NOC2L: variants seen among roughly 807,000 people sequenced by gnomAD.
NOC2L encodes the protein NOC2 like nucleolar associated transcriptional repressor, also known as nucleolar complex protein 2 homolog.
In NOC2L, 101 loss-of-function variants were observed where a neutral mutation model predicts 94.2. The ratio of observed to expected loss-of-function variants is 1.07; its 90% CI spans 0.91 to 1.26. The LOEUF is 1.26. Among genes scored for constraint, NOC2L ranks in the 50% most tolerant of loss-of-function variants. The pLI, the probability that NOC2L is intolerant of heterozygous loss-of-function variation, is 0.00. For synonymous variants in NOC2L, 531 were observed against 413.4 expected (o/e 1.28, Z -3.45); for missense variants, 1,076 against 980.1 (o/e 1.10, Z -1.31).
chr1:948,255 G>T (rs771838530), intron 13 of NOC2L, 23 bp from the exon 14 acceptor site: 1 of 1,539,946 alleles, frequency 6.5e-7, no homozygotes, highest in Non-Finnish European at 8.8e-7. Flanking sequence ...AGAGAGGGCC[G>T]AGTGCATCAG....
At chr1:948,439 C>T in intron 13 of NOC2L, 51 bp downstream of exon 13, 2 of 1,418,702 alleles carry the variant, frequency 1.4e-6, no homozygotes, top group Non-Finnish European at 2.0e-6. Context: ...TCAGCACCCC[C>T]AACCCCACCC....
Position 944,725 on chromosome 1 carries a change from A to C in NOC2L, c.2219T>G (p.Leu740Arg). 2 of 1,600,694 alleles carry C rather than the reference A, an allele frequency of 1.2e-6. No homozygotes were observed. The highest frequency in any genetic ancestry group is 1.7e-6 in the Non-Finnish European group (2 of 1,178,834). The change falls in exon 19 of 19, where the codon CTG becomes CGG. Residue 740 changes from leucine (L) to arginine (R), a missense_variant. Around this residue, in one of 3 missense-constraint regions of NOC2L, gnomAD observed 615 missense variants for 577.4 expected, o/e 1.07. Coordinates refer to ENST00000327044, the MANE Select transcript of NOC2L (RefSeq NM_015658.4). ...GTCCTCTGAGAGCTGCAGATCCTCC[A>C]GCTCGTCCTCCGGCCCCTGGGCCAG... ...QQLAQGPEDE[L>R]EDLQLSEDD
rs1428434056 is a variant in NOC2L, at chr1:956,875, G to A, written c.486+19C>T. ...TTTCTGCCTGGGCACCCAGCTGCCCGCCCCTGGCTGCTGCTCACCTTTGCT... is the reference window on the plus strand; with the variant it reads ...TTTCTGCCTGGGCACCCAGCTGCCCACCCCTGGCTGCTGCTCACCTTTGCT... On this transcript the variant is annotated intron_variant, in intron 4 of 18. Coordinates refer to ENST00000327044, the MANE Select transcript of NOC2L (RefSeq NM_015658.4). 6.8e-6 allele frequency: 11 copies of A among 1,612,558 alleles called. No individual in the cohort carries two copies. Among genetic ancestry groups the A allele is most frequent in the African/African-American group, 2.7e-5 (2 of 75,020 alleles).
At chr1:956,702 A>C (rs1031304374) in intron 4 of NOC2L, among the ~76,000 whole-genome samples, 192 bp downstream of exon 4, 2 of 152,218 alleles carry the variant, frequency 1.3e-5, no homozygotes, top group Admixed American at 6.5e-5. Flanking sequence ...CTTGCGCTGA[A>C]GAAGGCTCCA....
At position 946,400 on chromosome 1, in the gene NOC2L, AC is replaced by A. The variant is rs1401657426; in HGVS notation, c.1803+1del. The A allele has an allele frequency of 6.2e-7, 1 of 1,613,534 alleles. No individual in the cohort carries two copies. Among genetic ancestry groups the A allele is most frequent in the East Asian group, 2.2e-5 (1 of 44,884 alleles). Reference sequence around the variant, plus strand: ...GTGGCACTACCCCCAGGGCCCACTAACCACTGCCTGCTGCTCAGAGACGCCG... The same window carrying A: ...GTGGCACTACCCCCAGGGCCCACTAACACTGCCTGCTGCTCAGAGACGCCG... On this transcript the variant is annotated splice_donor_variant, in intron 15 of 18. Transcript: ENST00000327044. LOFTEE classifies it high-confidence loss of function.
At chr1:945,387 G>C in intron 17 of NOC2L, 131 bp downstream of exon 17, 1 of 1,167,634 alleles carries the variant, frequency 8.6e-7, no homozygotes, top group Non-Finnish European at 1.2e-6. Flanking sequence ...GCAACACTGA[G>C]GTTGGCCCCA....
Position 957,087 on chromosome 1 carries a change from C to T in NOC2L, c.354+12G>A. The T allele has an allele frequency of 6.2e-7, 1 of 1,614,004 alleles. No homozygotes were observed. The highest frequency in any genetic ancestry group is 8.5e-7 in the Non-Finnish European group (1 of 1,179,992). ...ACAAGTGCCCCCCTTCTGGTTTGGC[C>T]CACGCCCTCACCTCCAGCACATCTG... On this transcript the variant is annotated intron_variant, in intron 3 of 18. Transcript: ENST00000327044.
intron 2 of NOC2L, chr1:958,623 C>T (rs1263395691): frequency 1.7e-6 from 1 of 590,120 alleles, no homozygotes; most frequent in Non-Finnish European, 3.2e-6. Context: ...CCTTTCCCTC[C>T]CCAGCACTTA....
At chr1:955,557 G>A (rs879384672) in intron 6 of NOC2L, among the ~76,000 whole-genome samples, 9 of 152,200 alleles carry the variant, frequency 5.9e-5, no homozygotes, top group South Asian at 2.1e-4. Flanking sequence ...CCAGGAAACA[G>A]GCCAGTCATA....
At chr1:953,343 C>T in intron 8 of NOC2L, 55 bp from the exon 9 acceptor site, 3 of 1,070,512 alleles carry the variant, frequency 2.8e-6, no homozygotes, top group Non-Finnish European at 4.3e-6. Flanking sequence ...CAGGGATGCC[C>T]CAGGGCCAGC....
intron 11 of NOC2L, among the ~76,000 whole-genome samples, chr1:951,560 G>C (rs1000993358): frequency 1.3e-5 from 2 of 152,160 alleles, no homozygotes; most frequent in African/African-American, 4.8e-5. Context: ...CAGCCAGACA[G>C]ATGCCCCCTC....
intron 8 of NOC2L, 23 bp from the exon 9 acceptor site, chr1:953,311 G>A (rs776607673): frequency 2.8e-6 from 4 of 1,421,358 alleles, no homozygotes; most frequent in East Asian, 4.6e-5. Flanking sequence ...AGACGTCACT[G>A]GTGGCCCCCC....
chr1:944,252 T>G lies in NOC2L; in HGVS notation c.*442A>C. 1 of 1,455,604 alleles carries G rather than the reference T, an allele frequency of 6.9e-7. No homozygotes were observed. Among genetic ancestry groups the G allele is most frequent in the Non-Finnish European group, 9.0e-7 (1 of 1,105,406 alleles). 90.2% of individuals were successfully genotyped at this position (1,455,604 alleles called of 1,614,324 possible). A position where few individuals can be genotyped will look rare whatever the true frequency, so the allele number is the denominator to read the frequency against. Reference sequence around the variant, plus strand: ...CCGCTTTATTTCTTTCGGTTTCGGATGCAAAACAAAAAATTTTAAAAGAAA... The same window carrying G: ...CCGCTTTATTTCTTTCGGTTTCGGAGGCAAAACAAAAAATTTTAAAAGAAA... On this transcript the variant is annotated 3_prime_UTR_variant, in exon 19 of 19. Coordinates refer to ENST00000327044, the MANE Select transcript of NOC2L (RefSeq NM_015658.4).
chr1:949,954 G>A (rs919146520), intron 12 of NOC2L, among the ~76,000 whole-genome samples: 1 of 152,230 alleles, frequency 6.6e-6, no homozygotes, highest in East Asian at 1.9e-4. Context: ...TAGATAAACA[G>A]GGTGGAGATC....
At chr1:955,880 A>C (rs1355710740) in intron 6 of NOC2L, 43 bp downstream of exon 6, 12 of 1,450,456 alleles carry the variant, frequency 8.3e-6, no homozygotes, top group Non-Finnish European at 1.2e-5. Context: ...TGTGGTCCCG[A>C]CCCACCTTCC....
At position 948,254 on chromosome 1, in the gene NOC2L, C is replaced by T. The variant is rs375794645; in HGVS notation, c.1558-22G>A. Reference sequence around the variant, plus strand: ...CGTCCTGAAGAGCAGGAGAGAGGGCCGAGTGCATCAGGGAGAGGCTGGGGC... The same window carrying T: ...CGTCCTGAAGAGCAGGAGAGAGGGCTGAGTGCATCAGGGAGAGGCTGGGGC... On this transcript the variant is annotated intron_variant, in intron 13 of 18. Transcript: ENST00000327044. The T allele has an allele frequency of 6.5e-6, 10 of 1,546,664 alleles. No individual in the cohort carries two copies. In the East Asian group the frequency reaches 7.1e-5, roughly 11 times the overall value.
At chr1:947,497 C>T (rs1557616381) in intron 14 of NOC2L, among the ~76,000 whole-genome samples, 1 of 152,228 alleles carries the variant, frequency 6.6e-6, no homozygotes, top group African/African-American at 2.4e-5. Context: ...ATTCCAGCCA[C>T]CAGGGCCAGA....
In NOC2L at chr1:944,681, C is replaced by G. The variant is rs367583489; in HGVS notation, c.*13G>C. ...AGCCCGGCAGCCCCTACAGGCCCCC[C>G]AGATGGGCTGCCTCAGTCGTCCTCT... is the stretch of plus-strand genomic sequence containing the variant. On this transcript the variant is annotated 3_prime_UTR_variant, in exon 19 of 19. Coordinates refer to ENST00000327044, the MANE Select transcript of NOC2L (RefSeq NM_015658.4). 20 of 1,558,778 alleles carry G rather than the reference C, an allele frequency of 1.3e-5. 1 individual carries two copies. In the South Asian group the frequency reaches 1.9e-4, roughly 15 times the overall value.
In NOC2L at chr1:957,005, ATCC is replaced by A; in HGVS notation, c.372_374del (p.Glu124del). The A allele has an allele frequency of 6.2e-7, 1 of 1,614,032 alleles. No individual in the cohort carries two copies. Among genetic ancestry groups the A allele is most frequent in the South Asian group, 1.1e-5 (1 of 91,082 alleles). On this transcript the variant is annotated inframe_deletion, in exon 4 of 19. Coordinates refer to ENST00000327044, the MANE Select transcript of NOC2L (RefSeq NM_015658.4). ...CCCCATCTTCTCCTTCCTCCGCTCC[ATCC>A]TCCTCCTCACTGGCTTCCTGCACAG...
Sources: gnomAD v4.1 joint callset for allele counts (sites outside exome capture counted in the v4.1 genomes callset) on GRCh38, gnomAD v4.1.1 for gene constraint, gnomAD v4.1.1 regional missense constraint, MANE v1.5 for transcripts, NCBI Gene and HGNC (gene_info 2026-07-23, HGNC 2026-07-21) for gene names.